NME7: variants seen among roughly 807,000 people sequenced by gnomAD.
The protein encoded by NME7 is NME/NM23 family member 7, also known as nucleoside diphosphate kinase 7.
Under a neutral mutation model 49.1 loss-of-function variants are expected in NME7, and 41 were observed. That is an observed-to-expected ratio of 0.83 (90% CI 0.65 to 1.08). The LOEUF is 1.08. Ranked by LOEUF, NME7 falls within the 50% of genes least tolerant of loss-of-function variation. NME7 has a pLI of 0.00. For synonymous variants in NME7, 139 were observed against 150.6 expected, an observed-to-expected ratio of 0.92 and a Z score of 0.56; for missense variants, 423 against 463.4, an observed-to-expected ratio of 0.91 and a Z score of 0.80.
intron 7 of NME7, among the ~76,000 whole-genome samples, chr1:169,256,980 C>G (rs6692824): frequency 0.97 from 119,814 of 123,092 alleles, 59,131 homozygotes; most frequent in East Asian, 1. Context: ...TGTCAGACAG[C>G]GACATTTAAG....
intron 10 of NME7, among the ~76,000 whole-genome samples, chr1:169,172,356 A>T (rs6670507): frequency 4.5e-5 from 2 of 44,674 alleles, no homozygotes; most frequent in African/African-American, 1.6e-4. Flanking sequence ...GTGTGTGTGT[A>T]TGTGTATGTG....
chr1:169,256,605 G>A lies in NME7; in HGVS notation c.755-18918C>T, dbSNP rs1214627522. ...CATCCAGCTTTGTTCCGTTGCCGGT[G>A]AGGAACTGCGTTCCTTTGGAGGAGG... is the stretch of plus-strand genomic sequence containing the variant. On this transcript the variant is annotated intron_variant, in intron 7 of 11. Coordinates refer to ENST00000367811, the MANE Select transcript of NME7 (RefSeq NM_013330.5). Among the ~76,000 whole-genome samples the A allele has an allele frequency of 3.1e-5, 4 of 129,504 alleles. 1 individual carries two copies. Among genetic ancestry groups the A allele is most frequent in the Non-Finnish European group, 7.1e-5 (4 of 56,152 alleles). 85.0% of individuals were successfully genotyped at this position (129,504 alleles called of 152,430 possible). A position where few individuals can be genotyped will look rare whatever the true frequency, so the allele number is the denominator to read the frequency against.
At chr1:169,206,227 T>C (rs61806242) in intron 10 of NME7, among the ~76,000 whole-genome samples, 37,200 of 152,078 alleles carry the variant, frequency 0.24, 5,511 homozygotes, top group Non-Finnish European at 0.34. Context: ...TATTGTTTGT[T>C]CTTTTGCCAC....
chr1:169,304,660 G>A (rs888141905), intron 4 of NME7, among the ~76,000 whole-genome samples: 8 of 152,064 alleles, frequency 5.3e-5, no homozygotes, highest in African/African-American at 1.7e-4. Context: ...AAATAGGTGT[G>A]ATCACCTTTA....
chr1:169,324,282 A>G (rs1651966778), intron 2 of NME7, 111 bp downstream of exon 2: 2 of 612,498 alleles, frequency 3.3e-6, no homozygotes, highest in Non-Finnish European at 5.9e-6. Context: ...ATATGTATAT[A>G]TACACACACA....
intron 3 of NME7, among the ~76,000 whole-genome samples, chr1:169,318,888 G>A (rs1651752863): frequency 1.3e-5 from 2 of 152,070 alleles, no homozygotes; most frequent in African/African-American, 2.4e-5. Context: ...AAGCAGCGGT[G>A]GGGGTAGCGG....
chr1:169,251,738 G>A (rs1412262019), intron 7 of NME7, among the ~76,000 whole-genome samples: 18 of 123,872 alleles, frequency 1.5e-4, no homozygotes, highest in Non-Finnish European at 2.4e-4. Context: ...AGTCCCCAGA[G>A]TGTGATATTC....
chr1:169,266,807 C>T (rs1173913556), intron 7 of NME7, among the ~76,000 whole-genome samples: 1 of 133,144 alleles, frequency 7.5e-6, no homozygotes, highest in African/African-American at 2.5e-5. Flanking sequence ...GTGGCTCACA[C>T]CTGTAATCCC....
Position 169,199,962 on chromosome 1 carries a change from C to T in NME7, c.991-30408G>A, listed in dbSNP as rs368259360. Among the ~76,000 whole-genome samples, 61 of 152,132 alleles carry T rather than the reference C, an allele frequency of 4.0e-4. No homozygotes were observed. The East Asian group carries it at 6.2e-3, about 15-fold the overall frequency. ...TTCCACAGGTATGACTGATATAGAA[C>T]TTATTAATTCATTATTAATTCATTC... On this transcript the variant is annotated intron_variant, in intron 10 of 11. Coordinates refer to ENST00000367811, the MANE Select transcript of NME7 (RefSeq NM_013330.5).
At chr1:169,152,323 G>A (rs1658935970) in intron 11 of NME7, among the ~76,000 whole-genome samples, 1 of 152,208 alleles carries the variant, frequency 6.6e-6, no homozygotes, top group African/African-American at 2.4e-5. Context: ...TGCTCTCTGA[G>A]GTAAGTACTA....
chr1:169,348,434 A>G (rs545720394), intron 1 of NME7, among the ~76,000 whole-genome samples: 1 of 152,000 alleles, frequency 6.6e-6, no homozygotes, highest in East Asian at 1.9e-4. Flanking sequence ...CATTTAGGCT[A>G]AAGTTTTCTA....
At chr1:169,190,172 C>A (rs1196789449) in intron 10 of NME7, among the ~76,000 whole-genome samples, 4 of 151,936 alleles carry the variant, frequency 2.6e-5, no homozygotes, top group Non-Finnish European at 4.4e-5. Context: ...TAAGTCTGGT[C>A]TCTGCAACAT....
chr1:169,298,846 G>T, intron 5 of NME7, 83 bp from the exon 6 acceptor site: 2 of 1,074,236 alleles, frequency 1.9e-6, no homozygotes, highest in South Asian at 1.5e-5. Context: ...ATTTAAATTG[G>T]ATTATTTCAA....
chr1:169,356,735 T>C (rs73036833), intron 1 of NME7, among the ~76,000 whole-genome samples: 3,859 of 152,234 alleles, frequency 0.025, 137 homozygotes, highest in African/African-American at 0.086. Context: ...TACAGGACAC[T>C]AGGCTGAACC....
chr1:169,150,292 T>C (rs1658876330), intron 11 of NME7, among the ~76,000 whole-genome samples: 1 of 152,170 alleles, frequency 6.6e-6, no homozygotes, highest in Admixed American at 6.5e-5. Flanking sequence ...GAAAAATATA[T>C]TTAAGAGTCT....
chr1:169,346,390 G>A (rs58775541), intron 1 of NME7, among the ~76,000 whole-genome samples: 3,869 of 151,996 alleles, frequency 0.025, 138 homozygotes, highest in African/African-American at 0.086. Context: ...TTGAACATAC[G>A]GCATGCTCCC....
rs193102031 is a variant in NME7, at chr1:169,307,096, T to C, written c.389+2874A>G. Among the ~76,000 whole-genome samples the C allele has an allele frequency of 4.6e-3, 705 of 152,222 alleles. 4 individuals are homozygous for C. The highest frequency in any genetic ancestry group is 8.5e-3 in the Non-Finnish European group (579 of 68,016). Reference sequence around the variant, plus strand: ...CTCAGTGGATGGTAAAACAACTAAATAACATGAATTTCCAAGGATGAAGAA... The same window carrying C: ...CTCAGTGGATGGTAAAACAACTAAACAACATGAATTTCCAAGGATGAAGAA... On this transcript the variant is annotated intron_variant, in intron 4 of 11. Coordinates refer to ENST00000367811, the MANE Select transcript of NME7 (RefSeq NM_013330.5).
At chr1:169,182,111 C>G (rs928521389) in intron 10 of NME7, among the ~76,000 whole-genome samples, 2 of 151,268 alleles carry the variant, frequency 1.3e-5, no homozygotes, top group Admixed American at 1.3e-4. Flanking sequence ...CTCAAGTGAC[C>G]TTCCTGCCTC....
chr1:169,313,930 A>T (rs1440888857), intron 3 of NME7, among the ~76,000 whole-genome samples: 1 of 152,154 alleles, frequency 6.6e-6, no homozygotes, highest in Non-Finnish European at 1.5e-5. Context: ...AAAATACAAT[A>T]ATGAAAATGA....
Sources: allele counts gnomAD v4.1 joint callset (sites outside exome capture counted in the v4.1 genomes callset), GRCh38; gene constraint gnomAD v4.1.1; transcripts MANE v1.5; gene names NCBI Gene and HGNC (gene_info 2026-07-23, HGNC 2026-07-21).